The following ADAMTS3 variants were observed in gnomAD, a reference collection of about 807,000 sequenced individuals.
The protein encoded by ADAMTS3 is ADAM metallopeptidase with thrombospondin type 1 motif 3, also known as A disintegrin and metalloproteinase with thrombospondin motifs 3.
Under a neutral mutation model 129.0 loss-of-function variants are expected in ADAMTS3, and 73 were observed. The ratio of observed to expected loss-of-function variants is 0.57; its 90% CI spans 0.47 to 0.69. ADAMTS3 has a LOEUF of 0.69. Ranked by LOEUF, ADAMTS3 falls within the 30% of genes least tolerant of loss-of-function variation. ADAMTS3 has a pLI of 0.00. For synonymous variants in ADAMTS3, 477 were observed against 510.8 expected (o/e 0.93, Z 0.89); for missense variants, 1,457 against 1,514.5 (o/e 0.96, Z 0.63).
intron 4 of ADAMTS3, among the ~76,000 whole-genome samples, chr4:72,374,768 C>T (rs949945402): frequency 4.6e-5 from 7 of 152,068 alleles, no homozygotes; most frequent in African/African-American, 1.7e-4. Context: ...AATGTGGAAC[C>T]TGTTACTATG....
Position 72,339,560 on chromosome 4 carries a change from A to T in ADAMTS3, c.795T>A (p.Asp265Glu), listed in dbSNP as rs757956811. The change falls in exon 5 of 22, where the codon GAT becomes GAA. Residue 265 changes from aspartate (D) to glutamate (E), a missense_variant. Physicochemically the swap from Asp to Glu is conservative, Grantham distance 45. Coordinates refer to ENST00000286657, the MANE Select transcript of ADAMTS3 (RefSeq NM_014243.3). ...TGCCATGGAAACGGACCACAGAGTC[A>T]TCCACTCCCAGCAGTACCTCGATAT... ...DYNIEVLLGVDDSVVRFHGKE... is the reference protein window; with the variant it reads ...DYNIEVLLGVEDSVVRFHGKE... 1 of 1,613,864 alleles carries T rather than the reference A, an allele frequency of 6.2e-7. No individual in the cohort carries two copies. Among genetic ancestry groups the T allele is most frequent in the African/African-American group, 1.3e-5 (1 of 74,900 alleles).
chr4:72,357,530 C>T (rs1053502461), intron 4 of ADAMTS3, among the ~76,000 whole-genome samples: 1 of 151,792 alleles, frequency 6.6e-6, no homozygotes, highest in Non-Finnish European at 1.5e-5. Context: ...TGAGTAAATA[C>T]TCTCTAATTC....
chr4:72,475,675 T>C (rs1478059630), intron 3 of ADAMTS3, among the ~76,000 whole-genome samples: 11 of 151,722 alleles, frequency 7.3e-5, no homozygotes, highest in Non-Finnish European at 1.5e-4. Flanking sequence ...ATTTATAAAA[T>C]ATTCTACTGA....
At chr4:72,338,322 C>T (rs1328351886) in intron 5 of ADAMTS3, among the ~76,000 whole-genome samples, 1 of 152,088 alleles carries the variant, frequency 6.6e-6, no homozygotes, top group Non-Finnish European at 1.5e-5. Context: ...ATCCTCTGAA[C>T]ACATCTATTG....
At chr4:72,449,317 G>C (rs928215789) in intron 3 of ADAMTS3, among the ~76,000 whole-genome samples, 1 of 151,524 alleles carries the variant, frequency 6.6e-6, no homozygotes, top group Non-Finnish European at 1.5e-5. Flanking sequence ...AACTCTCCAC[G>C]GCCAAAACTC....
intron 4 of ADAMTS3, among the ~76,000 whole-genome samples, chr4:72,387,334 G>T (rs1721474433): frequency 6.6e-6 from 1 of 152,160 alleles, no homozygotes. Context: ...AAAGCCATAT[G>T]ACCCATAACT....
chr4:72,347,441 A>T (rs1394097685), intron 4 of ADAMTS3, among the ~76,000 whole-genome samples: 1 of 151,866 alleles, frequency 6.6e-6, no homozygotes, highest in Non-Finnish European at 1.5e-5. Flanking sequence ...GTAGTCAACT[A>T]TTCTTAGGCT....
chr4:72,534,843 T>A (rs1019826976), intron 3 of ADAMTS3, among the ~76,000 whole-genome samples: 25 of 152,112 alleles, frequency 1.6e-4, no homozygotes, highest in African/African-American at 6.0e-4. Context: ...TTTCTGAAAA[T>A]TTTAGATCAA....
chr4:72,448,824 TTTAA>T (rs1231220126), intron 3 of ADAMTS3, among the ~76,000 whole-genome samples: 1 of 151,768 alleles, frequency 6.6e-6, no homozygotes, highest in Non-Finnish European at 1.5e-5. Flanking sequence ...TGCATTGGTG[TTTAA>T]TTAATAAGAT....
chr4:72,543,336 C>T (rs549820027), intron 3 of ADAMTS3, among the ~76,000 whole-genome samples: 2 of 152,120 alleles, frequency 1.3e-5, no homozygotes, highest in African/African-American at 2.4e-5. Context: ...ATAGAATGAC[C>T]ATATGATCCA....
chr4:72,509,981 T>C (rs540459630), intron 3 of ADAMTS3, among the ~76,000 whole-genome samples: 73 of 152,006 alleles, frequency 4.8e-4, no homozygotes, highest in African/African-American at 1.7e-3. Context: ...ATCAGCGTGA[T>C]ACATCATATC....
chr4:72,420,838 G>A (rs547796766), intron 3 of ADAMTS3, among the ~76,000 whole-genome samples: 1 of 152,306 alleles, frequency 6.6e-6, no homozygotes, highest in East Asian at 1.9e-4. Flanking sequence ...TGACTGGAAG[G>A]CAGGAGAAAA....
At chr4:72,283,822 G>A in intron 21 of ADAMTS3, 118 bp from the exon 22 acceptor site, 4 of 770,740 alleles carry the variant, frequency 5.2e-6, no homozygotes, top group South Asian at 2.3e-5. Flanking sequence ...GACACTAACG[G>A]GAGTGATCCA....
At chr4:72,469,685 C>T (rs1174213162) in intron 3 of ADAMTS3, among the ~76,000 whole-genome samples, 1 of 152,074 alleles carries the variant, frequency 6.6e-6, no homozygotes. Context: ...TTTGCCAACC[C>T]TGTGACAGCA....
rs1375942467 is a variant in ADAMTS3, at chr4:72,290,902, T to A, written c.2884A>T (p.Asn962Tyr). Reference sequence around the variant, plus strand: ...CACTGTGCAGGGCAGGGCACTCTGTTACAGGGCCGGCGGCTCTCGGGACGG... The same window carrying A: ...CACTGTGCAGGGCAGGGCACTCTGTAACAGGGCCGGCGGCTCTCGGGACGG... Reference protein sequence around the residue: ...GDRPESRRPCNRVPCPAQWKT... With the variant: ...GDRPESRRPCYRVPCPAQWKT... Residue 962 changes from asparagine (N) to tyrosine (Y), a missense_variant, in exon 20 of 22, where the codon AAC becomes TAC. Asn to Tyr is a moderately radical substitution (Grantham distance 143). Transcript: ENST00000286657. The A allele has an allele frequency of 6.2e-7, 1 of 1,613,902 alleles. No homozygotes were observed. The highest frequency in any genetic ancestry group is 8.5e-7 in the Non-Finnish European group (1 of 1,179,960).
chr4:72,506,447 G>T (rs1165775630), intron 3 of ADAMTS3, among the ~76,000 whole-genome samples: 1 of 152,190 alleles, frequency 6.6e-6, no homozygotes, highest in Non-Finnish European at 1.5e-5. Context: ...AGTTCTGGCT[G>T]TGGTGACCCC....
At chr4:72,415,112 A>T (rs1250537974) in intron 3 of ADAMTS3, 141 bp from the exon 4 acceptor site, 2 of 487,602 alleles carry the variant, frequency 4.1e-6, no homozygotes, top group African/African-American at 4.6e-5. Context: ...AACTTAAAAT[A>T]GTTTTATTAA....
intron 3 of ADAMTS3, among the ~76,000 whole-genome samples, chr4:72,526,716 GA>G (rs2109750640): frequency 9.5e-6 from 1 of 104,838 alleles, no homozygotes; most frequent in Admixed American, 1.1e-4. Flanking sequence ...TATAGAGACA[GA>G]AAAAATATAT....
chr4:72,487,619 C>T (rs888703515), intron 3 of ADAMTS3, among the ~76,000 whole-genome samples: 3 of 152,186 alleles, frequency 2.0e-5, no homozygotes, highest in South Asian at 2.1e-4. Context: ...GTGACAAAAA[C>T]GCTTTCCATC....
Sources: allele counts gnomAD v4.1 joint callset (sites outside exome capture counted in the v4.1 genomes callset), GRCh38; gene constraint gnomAD v4.1.1; transcripts MANE v1.5; gene names NCBI Gene and HGNC (gene_info 2026-07-23, HGNC 2026-07-21).